BNC2: variants seen among roughly 807,000 people sequenced by gnomAD.
BNC2 encodes basonuclin zinc finger protein 2.
A neutral mutation model predicts 76.3 loss-of-function variants in BNC2; 20 were observed. The observed-to-expected ratio is 0.26, with a 90% CI of 0.18 to 0.38. The LOEUF (loss-of-function observed/expected upper bound fraction) is 0.38, where lower values mean the gene tolerates loss of function less well. Ranked by LOEUF, BNC2 falls within the 10% of genes least tolerant of loss-of-function variation. The pLI, the probability that BNC2 is intolerant of heterozygous loss-of-function variation, is 1.00. For missense variants in BNC2, 1,382 were observed against 1,399.8 expected, an observed-to-expected ratio of 0.99 and a Z score of 0.20; for synonymous variants, 582 against 514.8, an observed-to-expected ratio of 1.13 and a Z score of -1.77.
At chr9:16,511,992 C>T (rs896527431) in intron 5 of BNC2, among the ~76,000 whole-genome samples, 3 of 152,128 alleles carry the variant, frequency 2.0e-5, no homozygotes, top group African/African-American at 7.2e-5. Context: ...CAAATATATA[C>T]AACAGAATCA....
intron 3 of BNC2, among the ~76,000 whole-genome samples, chr9:16,699,904 G>A (rs919927152): frequency 6.6e-6 from 1 of 152,154 alleles, no homozygotes; most frequent in African/African-American, 2.4e-5. Context: ...GAGAAAACCT[G>A]TAATTTCTGG....
chr9:16,643,496 G>A (rs1821545726), intron 3 of BNC2, among the ~76,000 whole-genome samples: 2 of 151,870 alleles, frequency 1.3e-5, no homozygotes, highest in Non-Finnish European at 2.9e-5. Flanking sequence ...ATCACCTACG[G>A]AAAGTGAAAA....
chr9:16,447,828 A>ATATCGG lies in BNC2; in HGVS notation c.670-10310_670-10305dup, dbSNP rs543945716. ...TATATCAAAAAAACTATGTAAACAA[A>ATATCGG]TATCGGTAGTCTTTCGGAAATCTTT... On this transcript the variant is annotated intron_variant, in intron 5 of 6. Coordinates refer to ENST00000380672, the MANE Select transcript of BNC2 (RefSeq NM_017637.6). 4.5e-3 allele frequency among the ~76,000 whole-genome samples: 680 copies of ATATCGG among 152,252 alleles called. 1 individual carries two copies. Among genetic ancestry groups the ATATCGG allele is most frequent in the Non-Finnish European group, 7.1e-3 (485 of 67,990 alleles).
In BNC2 at chr9:16,727,850, T is replaced by A; in HGVS notation, c.277A>T (p.Met93Leu). The A allele has an allele frequency of 6.2e-7, 1 of 1,614,230 alleles. No individual in the cohort carries two copies. Among genetic ancestry groups the A allele is most frequent in the Non-Finnish European group, 8.5e-7 (1 of 1,180,036 alleles). ...GTATCAGCGTTTTGCCATGTCCCCATGAACCCTGGTTCAGCCGTAGTCGTT... is the reference window on the plus strand; with the variant it reads ...GTATCAGCGTTTTGCCATGTCCCCAAGAACCCTGGTTCAGCCGTAGTCGTT... ...TRTTTAEPGF[M>L]GTWQNADTNL... Residue 93 changes from methionine to leucine, a missense_variant, in exon 3 of 7, where the codon ATG becomes TTG. Met to Leu is a conservative substitution (Grantham distance 15). Transcript: ENST00000380672.
chr9:16,746,123 A>G (rs1824994068), intron 1 of BNC2, among the ~76,000 whole-genome samples: 1 of 152,106 alleles, frequency 6.6e-6, no homozygotes, highest in Admixed American at 6.6e-5. Context: ...AGCCTGGACC[A>G]TTTTTCACGA....
At chr9:16,476,605 C>A (rs1371904341) in intron 5 of BNC2, among the ~76,000 whole-genome samples, 1 of 151,724 alleles carries the variant, frequency 6.6e-6, no homozygotes, top group African/African-American at 2.4e-5. Context: ...TGACACTGTC[C>A]CCTCCCCCTA....
intron 1 of BNC2, among the ~76,000 whole-genome samples, chr9:16,780,102 G>A (rs756105233): frequency 6.6e-6 from 1 of 151,600 alleles, no homozygotes; most frequent in Non-Finnish European, 1.5e-5. Context: ...CGGGCGCGGT[G>A]GCGGGTGCCT....
At chr9:16,779,130 A>AAAAAAAAAAAAAAAAG (rs556932807) in intron 1 of BNC2, among the ~76,000 whole-genome samples, 48 of 87,574 alleles carry the variant, frequency 5.5e-4, no homozygotes, top group East Asian at 3.1e-3. Context: ...AAAAAAAAAA[A>AAAAAAAAAAAAAAAAG]AAAAGAAAAG....
intron 3 of BNC2, among the ~76,000 whole-genome samples, chr9:16,612,326 T>C (rs1037011966): frequency 1.3e-5 from 2 of 152,294 alleles, no homozygotes; most frequent in East Asian, 3.9e-4. Context: ...AGTATCTGCC[T>C]CATGATACAA....
rs113777392 is a variant in BNC2 at position 16,418,899 on chromosome 9, A to ACACC, written c.*89_*90insGGTG. The ACACC allele has an allele frequency of 1.0e-4, 141 of 1,401,476 alleles. No homozygotes were observed. In the Middle Eastern group the frequency reaches 1.5e-3, roughly 15 times the overall value. 86.8% of individuals were successfully genotyped at this position (1,401,476 alleles called of 1,614,324 possible). A position where few individuals can be genotyped will look rare whatever the true frequency, so the allele number is the denominator to read the frequency against. ...CACACACACACACACACACACACAC[A>ACACC]CCCCAAGTACATAAGCGCACACTGA... On this transcript the variant is annotated 3_prime_UTR_variant, in exon 7 of 7. Coordinates refer to ENST00000380672, the MANE Select transcript of BNC2 (RefSeq NM_017637.6).
At chr9:16,578,250 C>T (rs571615447) in intron 4 of BNC2, among the ~76,000 whole-genome samples, 8 of 152,098 alleles carry the variant, frequency 5.3e-5, no homozygotes, top group South Asian at 2.1e-4. Flanking sequence ...TTTCCTAAAA[C>T]GCCTTAGAAT....
At chr9:16,524,299 T>C (rs1442931713) in intron 5 of BNC2, among the ~76,000 whole-genome samples, 2 of 152,030 alleles carry the variant, frequency 1.3e-5, no homozygotes, top group South Asian at 4.2e-4. Flanking sequence ...AACCTGAGAG[T>C]GAATGGGGCT....
intron 3 of BNC2, among the ~76,000 whole-genome samples, chr9:16,679,104 A>T (rs1294837328): frequency 1.3e-5 from 2 of 152,108 alleles, no homozygotes; most frequent in African/African-American, 4.8e-5. Flanking sequence ...CTAATATTGC[A>T]ATCACAGCCA....
intron 2 of BNC2, among the ~76,000 whole-genome samples, chr9:16,728,408 A>C (rs1378721835): frequency 6.6e-6 from 1 of 152,074 alleles, no homozygotes; most frequent in Non-Finnish European, 1.5e-5. Context: ...GCAGCACCAC[A>C]ATCACGGTGC....
chr9:16,583,173 ATT>A, intron 3 of BNC2, 88 bp from the exon 4 acceptor site: 1 of 1,065,872 alleles, frequency 9.4e-7, no homozygotes, highest in Non-Finnish European at 1.4e-6. Flanking sequence ...GCCCACTTCT[ATT>A]TTTAAAGATT....
At chr9:16,468,197 T>C (rs200390908) in intron 5 of BNC2, among the ~76,000 whole-genome samples, 2 of 151,536 alleles carry the variant, frequency 1.3e-5, no homozygotes, top group Non-Finnish European at 2.9e-5. Context: ...TGAGCCACCA[T>C]GCCTGGCCCT....
At chr9:16,736,756 G>A (rs1340857366) in intron 2 of BNC2, among the ~76,000 whole-genome samples, 3 of 151,390 alleles carry the variant, frequency 2.0e-5, no homozygotes, top group African/African-American at 4.9e-5. Flanking sequence ...TTACAGGTAT[G>A]AGCCACTGGG....
intron 5 of BNC2, among the ~76,000 whole-genome samples, chr9:16,478,244 G>A (rs1239310572): frequency 6.6e-6 from 1 of 152,160 alleles, no homozygotes; most frequent in Non-Finnish European, 1.5e-5. Flanking sequence ...CATTCTGGCA[G>A]GCTTTTCTCC....
intron 3 of BNC2, among the ~76,000 whole-genome samples, chr9:16,627,289 T>C (rs985084956): frequency 6.6e-6 from 1 of 152,182 alleles, no homozygotes; most frequent in Non-Finnish European, 1.5e-5. Flanking sequence ...TAGCAGGCTA[T>C]GGGAGTGGGG....
Sources: gnomAD v4.1 joint callset for allele counts (sites outside exome capture counted in the v4.1 genomes callset) on GRCh38, gnomAD v4.1.1 for gene constraint, MANE v1.5 for transcripts, NCBI Gene and HGNC (gene_info 2026-07-23, HGNC 2026-07-21) for gene names.